Variants in OARD1 observed in about 807,000 individuals in gnomAD.
OARD1 encodes O-acyl-ADP-ribose deacylase 1, also known as ADP-ribose glycohydrolase OARD1.
Under a neutral mutation model 19.7 loss-of-function variants are expected in OARD1, and 19 were observed. That is an observed-to-expected ratio of 0.96 (90% CI 0.67 to 1.41). The LOEUF (loss-of-function observed/expected upper bound fraction) is 1.41, where lower values mean the gene tolerates loss of function less well. OARD1 is among the 40% of genes most tolerant of loss of function. OARD1 has a pLI of 0.00. For missense variants in OARD1, 190 were observed against 183.8 expected, an observed-to-expected ratio of 1.03 and a Z score of -0.20; for synonymous variants, 70 against 61.8, an observed-to-expected ratio of 1.13 and a Z score of -0.62.
rs759895591 is a variant in OARD1 at position 41,068,946 on chromosome 6, T to C, written c.251A>G (p.Lys84Arg). 1.3e-6 allele frequency: 2 copies of C among 1,584,360 alleles called. No individual in the cohort carries two copies. The highest frequency in any genetic ancestry group is 1.7e-6 in the Non-Finnish European group (2 of 1,160,022). ...AGTTGGCTTGTGCGAAGCCCTTTTCTTTGTAATCTGAACACAAAGGATTCA... is the reference window on the plus strand; with the variant it reads ...AGTTGGCTTGTGCGAAGCCCTTTTCCTTGTAATCTGAACACAAAGGATTCA... ...DGRYIYYLIT[K>R]KRASHKPTYE... The change falls in exon 5 of 6, where the codon AAG becomes AGG. Residue 84 changes from lysine (K) to arginine (R), a missense_variant. Coordinates refer to ENST00000424266, the MANE Select transcript of OARD1 (RefSeq NM_001329686.2).
At chr6:41,097,654 C>A in intron 1 of OARD1, 1 of 445,118 alleles carries the variant, frequency 2.2e-6, no homozygotes, top group Non-Finnish European at 4.1e-6. Flanking sequence ...ATTGACATTT[C>A]ATGGATTCGG....
intron 1 of OARD1, among the ~76,000 whole-genome samples, chr6:41,077,739 G>A (rs1317930504): frequency 6.6e-6 from 1 of 152,084 alleles, no homozygotes; most frequent in Non-Finnish European, 1.5e-5. Flanking sequence ...TTTGCTCCCT[G>A]TTGGCCAATC....
At chr6:41,072,370 C>G (rs539649961), upstream of OARD1, 1 of 152,310 alleles carries the variant, frequency 6.6e-6, no homozygotes, top group African/African-American at 2.4e-5. Flanking sequence ...GTCCCCGCCC[C>G]GCGGGGAAGG....
At chr6:41,089,782 C>A in intron 1 of OARD1, 1 of 1,528,172 alleles carries the variant, frequency 6.5e-7, no homozygotes, top group Non-Finnish European at 8.8e-7. Flanking sequence ...TCAGATATTT[C>A]ATGTATAGCA....
chr6:41,080,897 A>G, intron 1 of OARD1: 1 of 1,612,850 alleles, frequency 6.2e-7, no homozygotes, highest in Non-Finnish European at 8.5e-7. Context: ...CCCTCCAGGT[A>G]GTGGTACCCT....
At chr6:41,091,316 C>G in intron 1 of OARD1, among the ~76,000 whole-genome samples, 1 of 152,094 alleles carries the variant, frequency 6.6e-6, no homozygotes, top group East Asian at 1.9e-4. Flanking sequence ...AAAACTGGGA[C>G]CTAGACAGTT....
intron 2 of OARD1, 85 bp from the exon 3 acceptor site, chr6:41,071,361 GACT>G (rs1763375398): frequency 3.0e-6 from 4 of 1,339,576 alleles, no homozygotes; most frequent in Admixed American, 3.8e-5. Context: ...TGTCCCCCAC[GACT>G]ACCTCTCCCG....
At chr6:41,091,503 T>C in intron 1 of OARD1, 2 of 1,609,224 alleles carry the variant, frequency 1.2e-6, no homozygotes. Context: ...GTTTTTTGTT[T>C]GTTTTATGTT....
At position 41,067,436 on chromosome 6, in the gene OARD1, T is replaced by A; in HGVS notation, c.358A>T (p.Ile120Phe). Residue 120 changes from isoleucine to phenylalanine, a missense_variant and splice_region_variant, in exon 6 of 6, where the codon ATT becomes TTT. Ile to Phe is a conservative substitution (Grantham distance 21, BLOSUM62 0). Transcript: ENST00000424266. ...TGCAGACGATCAAGACCACATCCAA[T>A]CCTGAAAAAGACAAAATATCTCCAT... ...NGVTDLSMPR[I>F]GCGLDRLQWE... 6.2e-7 allele frequency: 1 copy of A among 1,609,488 alleles called. No individual in the cohort carries two copies. The highest frequency in any genetic ancestry group is 8.5e-7 in the Non-Finnish European group (1 of 1,176,382).
At chr6:41,076,655 T>G (rs924808267), upstream of OARD1, among the ~76,000 whole-genome samples, 2 of 152,214 alleles carry the variant, frequency 1.3e-5, no homozygotes, top group Non-Finnish European at 2.9e-5. Flanking sequence ...CTAGCCAGAA[T>G]AAACACTTAT....
chr6:41,097,588 G>A (rs1287122319), intron 1 of OARD1: 2 of 610,890 alleles, frequency 3.3e-6, no homozygotes, highest in Non-Finnish European at 5.8e-6. Context: ...GCAAATTGAA[G>A]TTGCAAGCCT....
At chr6:41,081,037 T>C (rs1485544837) in intron 1 of OARD1, 2 of 599,558 alleles carry the variant, frequency 3.3e-6, no homozygotes, top group Non-Finnish European at 6.0e-6. Context: ...TCTTTGAGGC[T>C]TATAAGATGC....
chr6:41,083,138 G>C (rs565686436), intron 1 of OARD1, among the ~76,000 whole-genome samples: 1 of 152,308 alleles, frequency 6.6e-6, no homozygotes, highest in South Asian at 2.1e-4. Flanking sequence ...GATCATTACA[G>C]TTTACTTCTA....
chr6:41,084,034 A>G (rs1380959751), intron 1 of OARD1: 1 of 1,579,790 alleles, frequency 6.3e-7, no homozygotes, highest in Admixed American at 1.9e-5. Context: ...TTCTTATTTT[A>G]TTTCATTCTA....
intron 1 of OARD1, among the ~76,000 whole-genome samples, chr6:41,084,519 A>G (rs1242697922): frequency 6.6e-6 from 1 of 152,272 alleles, no homozygotes; most frequent in Non-Finnish European, 1.5e-5. Context: ...CAAAACGAGC[A>G]AAAAGTGGGT....
At chr6:41,085,529 G>A (rs1020743923) in intron 1 of OARD1, among the ~76,000 whole-genome samples, 8 of 152,092 alleles carry the variant, frequency 5.3e-5, no homozygotes, top group African/African-American at 1.9e-4. Context: ...TCATGGAAAA[G>A]AGAGTATGAG....
chr6:41,082,050 T>C (rs1763924982), intron 1 of OARD1, among the ~76,000 whole-genome samples: 1 of 152,208 alleles, frequency 6.6e-6, no homozygotes. Context: ...CCCTACTTTT[T>C]CCCTCCATTG....
chr6:41,072,883 G>A (rs927745903), upstream of OARD1: 14 of 153,296 alleles, frequency 9.1e-5, no homozygotes, highest in African/African-American at 3.4e-4. Context: ...GGCGATCCCT[G>A]AACTGGAGTT....
chr6:41,080,452 C>T (rs1182884040), intron 1 of OARD1, among the ~76,000 whole-genome samples: 2 of 152,062 alleles, frequency 1.3e-5, no homozygotes, highest in Non-Finnish European at 2.9e-5. Context: ...GCTATTAAAA[C>T]CTAATCATTT....
Sources: gnomAD v4.1 joint callset for allele counts (sites outside exome capture counted in the v4.1 genomes callset) on GRCh38, gnomAD v4.1.1 for gene constraint, MANE v1.5 for transcripts, NCBI Gene and HGNC (gene_info 2026-07-23, HGNC 2026-07-21) for gene names.